The following XRRA1 variants were observed in gnomAD, a reference collection of about 807,000 sequenced individuals.
The protein encoded by XRRA1 is X-ray radiation resistance-associated protein 1.
In XRRA1, 69 loss-of-function variants were observed where a neutral mutation model predicts 80.2. That is an observed-to-expected ratio of 0.86 (90% CI 0.71 to 1.05). XRRA1 has a LOEUF of 1.05. Ranked by LOEUF, XRRA1 falls within the 50% of genes least tolerant of loss-of-function variation. The pLI is 0.00. For synonymous variants in XRRA1, 348 were observed against 389.9 expected, an observed-to-expected ratio of 0.89 and a Z score of 1.27; for missense variants, 967 against 976.4, an observed-to-expected ratio of 0.99 and a Z score of 0.13.
Position 74,848,185 on chromosome 11 carries a change from GT to G in XRRA1, c.1657del (p.Thr553LeufsTer22). 2.5e-6 allele frequency: 4 copies of G among 1,613,830 alleles called. No homozygotes were observed. Among genetic ancestry groups the G allele is most frequent in the Non-Finnish European group, 2.5e-6 (3 of 1,179,892 alleles). On this transcript the variant is annotated frameshift_variant, in exon 15 of 19. Transcript: ENST00000684022. LOFTEE classifies it high-confidence loss of function. ...TGGGCGCTCTGGGCTGAGGCGGACA[GT>G]TGTGTCACTCAGGTGGGACAGGGTC... ...EETLSHLSDT[T>X]VRLSPERPSD... is the part of the protein sequence containing the mutation.
Position 74,907,243 on chromosome 11 carries a change from C to G in XRRA1, c.687G>C (p.Lys229Asn). The G allele has an allele frequency of 6.2e-7, 1 of 1,613,976 alleles. No homozygotes were observed. Among genetic ancestry groups the G allele is most frequent in the South Asian group, 1.1e-5 (1 of 91,074 alleles). The change falls in exon 9 of 19, where the codon AAG becomes AAC. Residue 229 changes from lysine (K) to asparagine (N), a missense_variant. By Grantham distance (94) the Lys-to-Asn change is moderately conservative. Coordinates refer to ENST00000684022, the MANE Select transcript of XRRA1 (RefSeq NM_001378157.1). Reference sequence around the variant, plus strand: ...GCGCTGGGAACCTCAGGATGTACCTCTTGCTTGTCAGCGATGTTACAGATG... The same window carrying G: ...GCGCTGGGAACCTCAGGATGTACCTGTTGCTTGTCAGCGATGTTACAGATG... ...QEASVTSLTS[K>N]RYILRFPALE... is the part of the protein sequence containing the mutation.
intron 10 of XRRA1, among the ~76,000 whole-genome samples, chr11:74,875,624 A>T (rs1053901493): frequency 2.0e-5 from 3 of 152,174 alleles, no homozygotes; most frequent in African/African-American, 7.2e-5. Flanking sequence ...CACACCTGTA[A>T]TCCCAGCACT....
Position 74,844,012 on chromosome 11 carries a change from C to T in XRRA1, c.2044-53G>A, listed in dbSNP as rs12275545. The T allele has an allele frequency of 2.1e-3, 3,283 of 1,540,334 alleles. 80 individuals are homozygous for T. In the African/African-American group the frequency reaches 0.039, roughly 18 times the overall value. On this transcript the variant is annotated intron_variant, in intron 17 of 18. Transcript: ENST00000684022. ...TATCCCAGGTTTATGCACAGACTTC[C>T]CTGGCCTAACTTCATACAGTCACAG...
At chr11:74,848,483 A>G (rs2038902601) in intron 14 of XRRA1, 21 bp from the exon 15 acceptor site, 3 of 1,575,616 alleles carry the variant, frequency 1.9e-6, no homozygotes, top group African/African-American at 1.4e-5. Context: ...GAAGGGCCAG[A>G]ATGAATTTGC....
chr11:74,889,941 CAAT>C (rs1277582642), intron 10 of XRRA1, among the ~76,000 whole-genome samples: 1 of 152,134 alleles, frequency 6.6e-6, no homozygotes, highest in Non-Finnish European at 1.5e-5. Flanking sequence ...GACTCCCACA[CAAT>C]AATAATGGGA....
Position 74,930,333 on chromosome 11 carries a change from A to C in XRRA1, c.391T>G (p.Tyr131Asp). 6.4e-7 allele frequency: 1 copy of C among 1,570,336 alleles called. No homozygotes were observed. The highest frequency in any genetic ancestry group is 8.6e-7 in the Non-Finnish European group (1 of 1,156,198). ...AGCAGGTTTTCTGAGGCATTGATAT[A>C]AATCACAGAATGAAAATGCTTGAAG... ...NDFKHFHSVI[Y>D]INASENLLPL... Residue 131 changes from tyrosine to aspartate, a missense_variant, in exon 6 of 19, where the codon TAT becomes GAT. Coordinates refer to ENST00000684022, the MANE Select transcript of XRRA1 (RefSeq NM_001378157.1).
At chr11:74,909,589 A>G (rs2055401469) in intron 8 of XRRA1, among the ~76,000 whole-genome samples, 1 of 152,118 alleles carries the variant, frequency 6.6e-6, no homozygotes. Context: ...AGACATCTTA[A>G]AATAGAGGGG....
At chr11:74,890,566 G>A (rs2050378427) in intron 10 of XRRA1, among the ~76,000 whole-genome samples, 1 of 152,006 alleles carries the variant, frequency 6.6e-6, no homozygotes, top group East Asian at 1.9e-4. Flanking sequence ...CAGAACTGAA[G>A]GAAATAGAGA....
At chr11:74,946,273 C>T (rs1947505827) in intron 1 of XRRA1, among the ~76,000 whole-genome samples, 1 of 152,178 alleles carries the variant, frequency 6.6e-6, no homozygotes, top group South Asian at 2.1e-4. Context: ...GAGGCACTAA[C>T]ATGGTTAGGC....
intron 14 of XRRA1, 27 bp downstream of exon 14, chr11:74,851,061 G>GTGGGAGTCCTGCCT (rs746821614): frequency 5.1e-5 from 81 of 1,580,218 alleles, no homozygotes; most frequent in Non-Finnish European, 6.7e-5. Context: ...CTTCCTGGGG[G>GTGGGAGTCCTGCCT]TGGGAGTCCT....
intron 6 of XRRA1, among the ~76,000 whole-genome samples, chr11:74,929,642 G>A (rs1943056717): frequency 2.0e-5 from 3 of 152,106 alleles, no homozygotes; most frequent in East Asian, 1.9e-4. Flanking sequence ...TCCAGCAGCC[G>A]GAAATGCCTT....
intron 7 of XRRA1, among the ~76,000 whole-genome samples, chr11:74,922,496 A>T (rs1941148145): frequency 6.6e-6 from 1 of 152,044 alleles, no homozygotes; most frequent in South Asian, 2.1e-4. Context: ...GCCTCCATAG[A>T]CACTATATAT....
At position 74,908,288 on chromosome 11, in the gene XRRA1, C is replaced by G. The variant is rs182422635; in HGVS notation, c.657-1015G>C. On this transcript the variant is annotated intron_variant, in intron 8 of 18. Transcript: ENST00000684022. Reference sequence around the variant, plus strand: ...AAGCTCAGAGCAACTTGCCTGAAGTCGCATAGCTAGAAAGTGGGATGACTC... The same window carrying G: ...AAGCTCAGAGCAACTTGCCTGAAGTGGCATAGCTAGAAAGTGGGATGACTC... Among the ~76,000 whole-genome samples the G allele has an allele frequency of 3.9e-5, 6 of 152,316 alleles. No individual in the cohort carries two copies. The East Asian group carries it at 1.2e-3, about 29-fold the overall frequency.
At chr11:74,872,853 C>CT (rs1301063512) in intron 10 of XRRA1, among the ~76,000 whole-genome samples, 1 of 152,158 alleles carries the variant, frequency 6.6e-6, no homozygotes, top group Non-Finnish European at 1.5e-5. Context: ...CCTCTTCTCC[C>CT]TAATCCCCTT....
intron 6 of XRRA1, 86 bp from the exon 7 acceptor site, chr11:74,927,574 A>C: frequency 1.1e-6 from 1 of 941,004 alleles, no homozygotes; most frequent in Non-Finnish European, 1.7e-6. Flanking sequence ...CTGTGTCCCT[A>C]CTGGGTTAGG....
In XRRA1 at chr11:74,891,442, A is replaced by G. The variant is rs1337974414; in HGVS notation, c.1003+14797T>C. 2.0e-5 allele frequency among the ~76,000 whole-genome samples: 3 copies of G among 152,254 alleles called. No homozygotes were observed. The East Asian group carries it at 5.8e-4, about 29-fold the overall frequency. On this transcript the variant is annotated intron_variant, in intron 10 of 18. Coordinates refer to ENST00000684022, the MANE Select transcript of XRRA1 (RefSeq NM_001378157.1). Reference sequence around the variant, plus strand: ...GCTATTTATGACAAACCCACAGCCAATATCATACTGAATGGGCAGAAACTG... The same window carrying G: ...GCTATTTATGACAAACCCACAGCCAGTATCATACTGAATGGGCAGAAACTG...
intron 10 of XRRA1, among the ~76,000 whole-genome samples, chr11:74,890,717 G>T (rs541329802): frequency 8.2e-4 from 125 of 152,086 alleles, no homozygotes; most frequent in African/African-American, 2.8e-3. Context: ...GTGATAAAGG[G>T]GATATCACCA....
intron 10 of XRRA1, among the ~76,000 whole-genome samples, chr11:74,872,973 C>T (rs1217813771): frequency 6.6e-6 from 1 of 150,872 alleles, no homozygotes; most frequent in Admixed American, 6.6e-5. Context: ...TGCCTTCTTA[C>T]TCATGCCTGA....
intron 7 of XRRA1, among the ~76,000 whole-genome samples, chr11:74,927,125 T>G (rs1327875492): frequency 6.6e-6 from 1 of 152,212 alleles, no homozygotes; most frequent in East Asian, 1.9e-4. Context: ...ACATGACCTT[T>G]GGCATTTATT....
Sources: allele counts gnomAD v4.1 joint callset (sites outside exome capture counted in the v4.1 genomes callset), GRCh38; gene constraint gnomAD v4.1.1; transcripts MANE v1.5; gene names NCBI Gene and HGNC (gene_info 2026-07-23, HGNC 2026-07-21).